The following ITFG1 variants were observed in gnomAD, a reference collection of about 807,000 sequenced individuals.
ITFG1 encodes the protein T-cell immunomodulatory protein.
Under a neutral mutation model 81.8 loss-of-function variants are expected in ITFG1, and 34 were observed. The observed-to-expected ratio is 0.42, with a 90% CI of 0.32 to 0.55. The LOEUF (loss-of-function observed/expected upper bound fraction) is 0.55, where lower values mean the gene tolerates loss of function less well. Among genes scored for constraint, ITFG1 ranks in the 20% least tolerant of loss-of-function variants. The pLI is 0.17. For synonymous variants in ITFG1, 285 were observed against 270.6 expected, an observed-to-expected ratio of 1.05 and a Z score of -0.52; for missense variants, 672 against 755.4, an observed-to-expected ratio of 0.89 and a Z score of 1.29.
At chr16:47,336,750 G>T (rs1481940415) in intron 8 of ITFG1, among the ~76,000 whole-genome samples, 1 of 151,714 alleles carries the variant, frequency 6.6e-6, no homozygotes, top group Non-Finnish European at 1.5e-5. Context: ...GTCACCTGAG[G>T]TCAGGAGTTC....
At chr16:47,251,566 C>A (rs773575415) in intron 12 of ITFG1, among the ~76,000 whole-genome samples, 7 of 152,032 alleles carry the variant, frequency 4.6e-5, no homozygotes, top group Non-Finnish European at 8.8e-5. Flanking sequence ...ATAAATGGCC[C>A]CCACCCTAAA....
Position 47,347,232 on chromosome 16 carries a change from G to A in ITFG1, c.802+18556C>T, listed in dbSNP as rs577945503. Among the ~76,000 whole-genome samples, 10 of 152,350 alleles carry A rather than the reference G, an allele frequency of 6.6e-5. No homozygotes were observed. In the South Asian group the frequency reaches 1.0e-3, roughly 16 times the overall value. Reference sequence around the variant, plus strand: ...GGGTGCAGCGCACTGAGCGTGAGCCGAAGCAGGGCGAGGCATCGCCCCACC... The same window carrying A: ...GGGTGCAGCGCACTGAGCGTGAGCCAAAGCAGGGCGAGGCATCGCCCCACC... On this transcript the variant is annotated intron_variant, in intron 8 of 17. Transcript: ENST00000320640.
chr16:47,225,933 T>C (rs1435649001), intron 13 of ITFG1, among the ~76,000 whole-genome samples: 1 of 152,130 alleles, frequency 6.6e-6, no homozygotes, highest in Admixed American at 6.5e-5. Context: ...GTAAATATGG[T>C]ATAAATATAT....
chr16:47,316,284 T>C (rs768170749), intron 8 of ITFG1, among the ~76,000 whole-genome samples: 5 of 152,158 alleles, frequency 3.3e-5, no homozygotes, highest in African/African-American at 4.8e-5. Context: ...ATAAGAGAAA[T>C]AGTACAAGAA....
At chr16:47,161,207 C>T (rs544951390) in intron 16 of ITFG1, among the ~76,000 whole-genome samples, 1 of 152,228 alleles carries the variant, frequency 6.6e-6, no homozygotes, top group South Asian at 2.1e-4. Flanking sequence ...GATAAAAATA[C>T]CTACCATTCG....
At chr16:47,309,597 T>A (rs1967225507) in intron 10 of ITFG1, among the ~76,000 whole-genome samples, 1 of 152,206 alleles carries the variant, frequency 6.6e-6, no homozygotes, top group African/African-American at 2.4e-5. Context: ...AACACTAAGA[T>A]GAACTGAAAT....
Position 47,229,065 on chromosome 16 carries a change from T to C in ITFG1, c.1374+8900A>G, listed in dbSNP as rs114591419. ...CATTTATTCATACCTCAAATATTTG[T>C]CATGTAACTATGTGTCAGGCACTGT... On this transcript the variant is annotated intron_variant, in intron 13 of 17. Transcript: ENST00000320640. Among the ~76,000 whole-genome samples, 882 of 152,290 alleles carry C rather than the reference T, an allele frequency of 5.8e-3. 7 individuals carry two copies. Among genetic ancestry groups the C allele is most frequent in the African/African-American group, 0.02 (838 of 41,564 alleles).
At chr16:47,407,419 T>A (rs1968742606) in intron 6 of ITFG1, among the ~76,000 whole-genome samples, 1 of 151,836 alleles carries the variant, frequency 6.6e-6, no homozygotes, top group African/African-American at 2.4e-5. Flanking sequence ...TGGTGTGATC[T>A]CGGCTCACTG....
At chr16:47,303,810 TG>T (rs1410181763) in intron 10 of ITFG1, among the ~76,000 whole-genome samples, 2 of 152,162 alleles carry the variant, frequency 1.3e-5, no homozygotes, top group East Asian at 3.9e-4. Context: ...TTTTATTTTT[TG>T]TAGAGATGGG....
At chr16:47,391,159 G>A (rs1393291334) in intron 6 of ITFG1, among the ~76,000 whole-genome samples, 1 of 151,998 alleles carries the variant, frequency 6.6e-6, no homozygotes, top group African/African-American at 2.4e-5. Context: ...AAAGGGACAT[G>A]GCAGAGAACT....
At chr16:47,448,029 T>C (rs181153106) in intron 5 of ITFG1, 2 of 152,272 alleles carry the variant, frequency 1.3e-5, no homozygotes, top group African/African-American at 4.8e-5. Flanking sequence ...CTGAAGAAAA[T>C]ATAAATGATC....
At chr16:47,228,789 A>G (rs1206409091) in intron 13 of ITFG1, among the ~76,000 whole-genome samples, 1 of 152,234 alleles carries the variant, frequency 6.6e-6, no homozygotes, top group Non-Finnish European at 1.5e-5. Context: ...TCTGTTGCAT[A>G]TATTAAAAAT....
chr16:47,452,749 C>A lies in ITFG1; in HGVS notation c.469G>T (p.Glu157Ter). The A allele has an allele frequency of 6.3e-7, 1 of 1,588,838 alleles. No individual in the cohort carries two copies. Among genetic ancestry groups the A allele is most frequent in the Non-Finnish European group, 8.6e-7 (1 of 1,164,414 alleles). Residue 157 changes from glutamate to a stop codon, truncating the protein, a stop_gained, in exon 4 of 18, where the codon GAG (glutamate) becomes TAG (stop). Transcript: ENST00000320640. LOFTEE classifies it high-confidence loss of function. ...CATACTTACTCCATAATTAGTGGCT[C>A]ATCTTGAAAAGTCCTATTGAGTATG... ...MTILNRTFQD[E>*]PLIMDFNGDL...
chr16:47,454,113 A>G lies in ITFG1; in HGVS notation c.327T>C (p.Asp109=), dbSNP rs530472859. ...GAAGGACATCCATTTGAGAATCTCC[A>G]TCATAATCCCCAGGGACTACACTTG... ...LITSVVPGDY[D]GDSQMDVLLT... is the part of the protein sequence containing the mutation. The change falls in exon 3 of 18, where the codon GAT becomes GAC. Residue 109 remains aspartate (D), a synonymous_variant. Coordinates refer to ENST00000320640, the MANE Select transcript of ITFG1 (RefSeq NM_030790.5). 4.4e-6 allele frequency: 7 copies of G among 1,607,196 alleles called. No homozygotes were observed. Among genetic ancestry groups the G allele is most frequent in the Admixed American group, 3.3e-5 (2 of 59,810 alleles).
intron 6 of ITFG1, among the ~76,000 whole-genome samples, chr16:47,409,374 C>CTATATATATATATACATATACA (rs1555514883): frequency 4.8e-5 from 1 of 20,986 alleles, no homozygotes; most frequent in Non-Finnish European, 7.0e-5. Flanking sequence ...TACACACACA[C>CTATATATATATATACATATACA]TATATATATA....
At position 47,264,115 on chromosome 16, in the gene ITFG1, A is replaced by C. The variant is rs1966245127; in HGVS notation, c.1071-3420T>G. ...TAAAAATGATTACAAAAGCAATCAT[A>C]ACATTCAATAGAGAGATTTAAAAAG... On this transcript the variant is annotated intron_variant, in intron 10 of 17. Transcript: ENST00000320640. 3.3e-5 allele frequency among the ~76,000 whole-genome samples: 5 copies of C among 152,190 alleles called. No homozygotes were observed. In the South Asian group the frequency reaches 1.0e-3, roughly 32 times the overall value.
chr16:47,438,130 G>A lies in ITFG1; in HGVS notation c.561-9232C>T, dbSNP rs544821637. 1.9e-3 allele frequency among the ~76,000 whole-genome samples: 292 copies of A among 152,332 alleles called. 1 individual carries two copies. The highest frequency in any genetic ancestry group is 6.7e-3 in the African/African-American group (277 of 41,576). On this transcript the variant is annotated intron_variant, in intron 5 of 17. Transcript: ENST00000320640. ...CAAACGGTAAGGCCACAGCGAGGCT[G>A]GGGTAGGGGCGCCTGCCATTGCTCA...
chr16:47,364,616 T>C (rs1968151686), intron 8 of ITFG1, among the ~76,000 whole-genome samples: 1 of 152,210 alleles, frequency 6.6e-6, no homozygotes, highest in Non-Finnish European at 1.5e-5. Flanking sequence ...CACTTGACTA[T>C]TGGCATTAAA....
At chr16:47,402,697 G>C (rs951365439) in intron 6 of ITFG1, among the ~76,000 whole-genome samples, 1 of 152,120 alleles carries the variant, frequency 6.6e-6, no homozygotes, top group Non-Finnish European at 1.5e-5. Context: ...CGATTTGCTG[G>C]TCAGTGATTT....
Sources: allele counts gnomAD v4.1 joint callset (sites outside exome capture counted in the v4.1 genomes callset), GRCh38; gene constraint gnomAD v4.1.1; transcripts MANE v1.5; gene names NCBI Gene and HGNC (gene_info 2026-07-23, HGNC 2026-07-21).